PER2: variants seen among roughly 807,000 people sequenced by gnomAD.
PER2 encodes the protein period circadian regulator 2.
A neutral mutation model predicts 121.0 loss-of-function variants in PER2; 66 were observed. The observed-to-expected ratio is 0.55, with a 90% CI of 0.45 to 0.67. The LOEUF is 0.67. Ranked by LOEUF, PER2 falls within the 30% of genes least tolerant of loss-of-function variation. The pLI is 0.00. For missense variants in PER2, 1,521 were observed against 1,635.0 expected, an observed-to-expected ratio of 0.93 and a Z score of 1.20; for synonymous variants, 684 against 659.9, an observed-to-expected ratio of 1.04 and a Z score of -0.56.
Position 238,273,079 on chromosome 2 carries a change from C to T in PER2, c.561G>A (p.Val187=), listed in dbSNP as rs1240241296. The T allele has an allele frequency of 6.2e-7, 1 of 1,614,152 alleles. No homozygotes were observed. Among genetic ancestry groups the T allele is most frequent in the Admixed American group, 1.7e-5 (1 of 60,030 alleles). ...EMESVTSEHI[V]KNADMFAVAV... is the part of the protein sequence containing the mutation. ...GCGGAAAGAGGCTTACGGCATTCTT[C>T]ACAATGTGCTCAGAGGTAACGCTCT... is the stretch of plus-strand genomic sequence containing the variant. The change falls in exon 5 of 23, where the codon GTG becomes GTA. Residue 187 remains valine, a synonymous_variant. Coordinates refer to ENST00000254657, the MANE Select transcript of PER2 (RefSeq NM_022817.3).
At chr2:238,256,169 T>G (rs925518217) in intron 17 of PER2, among the ~76,000 whole-genome samples, 1 of 152,254 alleles carries the variant, frequency 6.6e-6, no homozygotes, top group Non-Finnish European at 1.5e-5. Flanking sequence ...GTGGGGAACC[T>G]TGGGCTTCAG....
chr2:238,281,524 C>T lies in PER2; in HGVS notation c.-19-3569G>A, dbSNP rs566052948. 7.2e-5 allele frequency among the ~76,000 whole-genome samples: 11 copies of T among 152,276 alleles called. No individual in the cohort carries two copies. The South Asian group carries it at 2.3e-3, about 32-fold the overall frequency. On this transcript the variant is annotated intron_variant, in intron 1 of 22. Coordinates refer to ENST00000254657, the MANE Select transcript of PER2 (RefSeq NM_022817.3). ...ATTTTACATTTAATGGCAGTTCTAG[C>T]AAATTCAATGAAAGATGAATGGTAA...
In PER2 at chr2:238,268,821, C is replaced by A. The variant is rs1696193599; in HGVS notation, c.824+102G>T. The A allele has an allele frequency of 8.4e-6, 7 of 835,124 alleles. No individual in the cohort carries two copies. The highest frequency in any genetic ancestry group is 3.6e-5 in the Admixed American group (2 of 55,162). The allele number at this position is 835,124 out of a possible 1,614,324, so 51.7% of individuals were successfully genotyped here. ...GACTTCAGAAACAGGCGTGCTGAGT[C>A]CCTGCAGGCAGGGATCACGCCCCCC... On this transcript the variant is annotated intron_variant, in intron 7 of 22. Coordinates refer to ENST00000254657, the MANE Select transcript of PER2 (RefSeq NM_022817.3). This position sits in a 1 kb window ranked among gnomAD's most constrained non-coding sequence, Gnocchi z 4.0.
Position 238,275,788 on chromosome 2 carries a change from G to A in PER2, c.403C>T (p.Leu135=). 6.2e-7 allele frequency: 1 copy of A among 1,614,228 alleles called. No homozygotes were observed. Among genetic ancestry groups the A allele is most frequent in the Non-Finnish European group, 8.5e-7 (1 of 1,180,018 alleles). ...DKKAKGKAST[L]ATLKYALRSV... ...CTGAGGGCGTACTTCAAGGTGGCCA[G>A]CGTACTGGCCTTGCCCTTGGCCTTC... Residue 135 remains leucine, a synonymous_variant, in exon 4 of 23, where the codon CTG becomes TTG. Coordinates refer to ENST00000254657, the MANE Select transcript of PER2 (RefSeq NM_022817.3).
intron 1 of PER2, among the ~76,000 whole-genome samples, chr2:238,280,112 G>A (rs1167751992): frequency 2.6e-5 from 4 of 152,168 alleles, no homozygotes; most frequent in Non-Finnish European, 4.4e-5. Context: ...CTCCCCAACA[G>A]GGCAACTCTA....
At chr2:238,261,064 C>A (rs1450180856) in intron 12 of PER2, 111 bp from the exon 13 acceptor site, 7 of 1,320,566 alleles carry the variant, frequency 5.3e-6, no homozygotes, top group Non-Finnish European at 7.4e-6. Flanking sequence ...CCGCCTAAGG[C>A]TACATGGCAG....
In PER2 at chr2:238,271,512, T is replaced by C. The variant is rs1215973852; in HGVS notation, c.572A>G (p.Asp191Gly). Residue 191 changes from aspartate to glycine, a missense_variant and splice_region_variant, in exon 6 of 23, where the codon GAT becomes GGT. Physicochemically the swap from Asp to Gly is moderately conservative, Grantham distance 94. Coordinates refer to ENST00000254657, the MANE Select transcript of PER2 (RefSeq NM_022817.3). ...CAGGGACACGGCCACCGCAAACATA[T>C]CCTGAAAAGGAAGAGTAGGGCTCTG... ...VTSEHIVKNA[D>G]MFAVAVSLVS... 5.0e-6 allele frequency: 8 copies of C among 1,610,572 alleles called. No homozygotes were observed. The highest frequency in any genetic ancestry group is 1.1e-5 in the South Asian group (1 of 91,040).
chr2:238,262,377 A>C, intron 10 of PER2, 33 bp from the exon 11 acceptor site: 1 of 1,609,746 alleles, frequency 6.2e-7, no homozygotes, highest in East Asian at 2.2e-5. Context: ...TCAGGGGAAA[A>C]GGGGAGCAAA....
chr2:238,258,404 T>C lies in PER2; in HGVS notation c.1776-4A>G, dbSNP rs201759966. 89 of 1,613,938 alleles carry C rather than the reference T, an allele frequency of 5.5e-5. No homozygotes were observed. Among genetic ancestry groups the C allele is most frequent in the South Asian group, 7.7e-5 (7 of 91,088 alleles). On this transcript the variant is annotated splice_region_variant and splice_polypyrimidine_tract_variant and intron_variant, in intron 15 of 22. Coordinates refer to ENST00000254657, the MANE Select transcript of PER2 (RefSeq NM_022817.3). ...CTCATTGCAGCTCTCCAAGTACCTG[T>C]GTGAAAGGCATGAACCACTGGTGAG... is the stretch of plus-strand genomic sequence containing the variant.
At position 238,258,524 on chromosome 2, in the gene PER2, T is replaced by C; in HGVS notation, c.1748A>G (p.Gln583Arg). ...CKNQPTCSYQ[Q>R]ISCLDSVIRY... is the part of the protein sequence containing the mutation. Reference sequence around the variant, plus strand: ...GATGACGCTGTCCAAGCAGCTGATCTGCTGGTAGGAGCAGGTGGGCTGGTT... The same window carrying C: ...GATGACGCTGTCCAAGCAGCTGATCCGCTGGTAGGAGCAGGTGGGCTGGTT... The change falls in exon 15 of 23, where the codon CAG (glutamine) becomes CGG (arginine). Residue 583 changes from glutamine (Q) to arginine (R), a missense_variant. Physicochemically the swap from Gln to Arg is conservative, Grantham distance 43 (BLOSUM62 1). Transcript: ENST00000254657. 1 of 1,614,244 alleles carries C rather than the reference T, an allele frequency of 6.2e-7. No individual in the cohort carries two copies. The highest frequency in any genetic ancestry group is 2.2e-5 in the East Asian group (1 of 44,888).
At chr2:238,262,445 A>C (rs1695964926) in intron 10 of PER2, 101 bp from the exon 11 acceptor site, 1 of 1,155,882 alleles carries the variant, frequency 8.7e-7, no homozygotes, top group South Asian at 1.3e-5. Flanking sequence ...GATCATTTGC[A>C]AACTGTAGGG....
chr2:238,252,983 C>T lies in PER2; in HGVS notation c.3040G>A (p.Glu1014Lys). Reference sequence around the variant, plus strand: ...CAGTCCGCCCCTACAGCTGCTGTCTCTGTGGCCCCTGTGGTCCCCATGGCT... The same window carrying T: ...CAGTCCGCCCCTACAGCTGCTGTCTTTGTGGCCCCTGTGGTCCCCATGGCT... ...TGAMGTTGAT[E>K]TAAVGADCKP... is the part of the protein sequence containing the mutation. The change falls in exon 19 of 23, where the codon GAG becomes AAG. Residue 1014 changes from glutamate (E) to lysine (K), a missense_variant. Glu to Lys is a moderately conservative substitution (Grantham distance 56). Coordinates refer to ENST00000254657, the MANE Select transcript of PER2 (RefSeq NM_022817.3). The surrounding 1 kb of genome is among the most constrained non-coding windows in gnomAD (Gnocchi z 4.2). 2 of 1,614,044 alleles carry T rather than the reference C, an allele frequency of 1.2e-6. No homozygotes were observed. The highest frequency in any genetic ancestry group is 1.7e-6 in the Non-Finnish European group (2 of 1,180,030).
In PER2 at chr2:238,257,033, T is replaced by C. The variant is rs752213819; in HGVS notation, c.1954A>G (p.Thr652Ala). 6.2e-6 allele frequency: 10 copies of C among 1,613,316 alleles called. No individual in the cohort carries two copies. Among genetic ancestry groups the C allele is most frequent in the Non-Finnish European group, 8.5e-6 (10 of 1,179,846 alleles). ...NSRTGVGTHL[T>A]SLALPGKAES... ...GCCTTGCCCGGCAGTGCCAGCGAGGTCAGGTGCGTACCTACTCCCGTGCGG... is the reference window on the plus strand; with the variant it reads ...GCCTTGCCCGGCAGTGCCAGCGAGGCCAGGTGCGTACCTACTCCCGTGCGG... Residue 652 changes from threonine (T) to alanine (A), a missense_variant, in exon 17 of 23, where the codon ACC becomes GCC. Transcript: ENST00000254657.
At chr2:238,289,133 G>A (rs1696889785), upstream of PER2, 1 of 152,198 alleles carries the variant, frequency 6.6e-6, no homozygotes, top group South Asian at 2.1e-4. Context: ...CTGGGCGCGG[G>A]GCTCCTGCGC....
At position 238,277,745 on chromosome 2, in the gene PER2, C is replaced by T. The variant is rs908191377; in HGVS notation, c.192G>A (p.Glu64=). 5 of 1,614,102 alleles carry T rather than the reference C, an allele frequency of 3.1e-6. No individual in the cohort carries two copies. The African/African-American group carries it at 6.7e-5, about 22-fold the overall frequency. Residue 64 remains glutamate (E), a synonymous_variant, in exon 2 of 23, where the codon GAG becomes GAA. Coordinates refer to ENST00000254657, the MANE Select transcript of PER2 (RefSeq NM_022817.3). ...CCGGTGGCTCCACCAGCATCCCCAG[C>T]TCCTTCCCACTGTCGTCACAGTCAC... ...QGSDCDDSGK[E]LGMLVEPPDA... is the part of the protein sequence containing the mutation.
chr2:238,278,085 T>G, intron 1 of PER2, 130 bp from the exon 2 acceptor site: 1 of 996,136 alleles, frequency 1.0e-6, no homozygotes, highest in Non-Finnish European at 1.5e-6. Context: ...TTCTTCTCTC[T>G]GTCTCTCTCT....
At chr2:238,267,983 A>G (rs931895827) in intron 8 of PER2, 73 bp downstream of exon 8, 4 of 1,535,018 alleles carry the variant, frequency 2.6e-6, no homozygotes, top group Non-Finnish European at 3.6e-6. Flanking sequence ...TACAGATGTT[A>G]TGTGTGAACC....
intron 1 of PER2, among the ~76,000 whole-genome samples, chr2:238,285,778 G>C (rs528038340): frequency 1.4e-4 from 21 of 152,316 alleles, no homozygotes; most frequent in African/African-American, 5.1e-4. Flanking sequence ...GCAGCCTAGT[G>C]AATTCTGCCT....
In PER2 at chr2:238,268,037, C is replaced by A. The variant is rs1206118698; in HGVS notation, c.967+19G>T. 2 of 1,613,190 alleles carry A rather than the reference C, an allele frequency of 1.2e-6. No homozygotes were observed. The highest frequency in any genetic ancestry group is 8.5e-7 in the Non-Finnish European group (1 of 1,179,914). On this transcript the variant is annotated intron_variant, in intron 8 of 22. Transcript: ENST00000254657. The surrounding 1 kb of genome is among the most constrained non-coding windows in gnomAD (Gnocchi z 4.0). ...GAGCCAGAGACAACATCTGCCCTCG[C>A]CCTGGGCTTGGCTGTTACCTTCATA...
Sources: gnomAD v4.1 joint callset for allele counts (sites outside exome capture counted in the v4.1 genomes callset) on GRCh38, gnomAD v4.1.1 for gene constraint, Gnocchi (gnomAD v3.1) non-coding constraint, MANE v1.5 for transcripts, NCBI Gene and HGNC (gene_info 2026-07-23, HGNC 2026-07-21) for gene names.